CFAP47: variants seen among roughly 807,000 people sequenced by gnomAD.
CFAP47 encodes the protein cilia- and flagella-associated protein 47.
A neutral mutation model predicts 148.1 loss-of-function variants in CFAP47; 29 were observed. That is an observed-to-expected ratio of 0.20 (90% CI 0.15 to 0.27). The LOEUF is 0.27. Ranked by LOEUF, CFAP47 falls within the 10% of genes least tolerant of loss-of-function variation. The pLI, the probability that CFAP47 is intolerant of heterozygous loss-of-function variation, is 1.00. For missense variants in CFAP47, 1,872 were observed against 1,697.5 expected (o/e 1.10, Z -1.81); for synonymous variants, 664 against 577.3 (o/e 1.15, Z -2.15).
At chrX:35,965,648 A>C (rs766471955) in intron 8 of CFAP47, among the ~76,000 whole-genome samples, 1 of 112,013 alleles carries the variant, frequency 8.9e-6, no homozygotes, top group South Asian at 3.7e-4. Context: ...GCATATATGC[A>C]TACACAGAGT....
At chrX:36,089,081 T>G (rs924141528) in intron 30 of CFAP47, among the ~76,000 whole-genome samples, 1 of 112,201 alleles carries the variant, frequency 8.9e-6, no homozygotes, top group Non-Finnish European at 1.9e-5. Context: ...AAATTTTATA[T>G]CCTGGGCTGG....
rs73460178 is a variant in CFAP47, at chrX:36,355,033, A to T, written c.8851+1352A>T. Among the ~76,000 whole-genome samples the T allele has an allele frequency of 4.3e-3, 481 of 111,229 alleles. 1 individual carries two copies. The highest frequency in any genetic ancestry group is 0.015 in the African/African-American group (464 of 30,580). ...GCTCCTACAACTCAATTAAAAAAAA[A>T]CTAATAATCTGATTTTTTAAATAAG... On this transcript the variant is annotated intron_variant, in intron 60 of 63. Transcript: ENST00000378653.
chrX:35,924,283 GTACAT>G (rs1935676555), intron 1 of CFAP47, among the ~76,000 whole-genome samples: 1 of 104,894 alleles, frequency 9.5e-6, no homozygotes, highest in Non-Finnish European at 1.9e-5. Context: ...ATGTGTATAT[GTACAT>G]GTATGTGTAC....
chrX:36,194,616 A>G (rs782594422), intron 42 of CFAP47, among the ~76,000 whole-genome samples: 1 of 111,712 alleles, frequency 9.0e-6, no homozygotes, highest in Non-Finnish European at 1.9e-5. Context: ...GAAACTTACA[A>G]TTGTGGCAGA....
intron 1 of CFAP47, among the ~76,000 whole-genome samples, chrX:35,924,364 T>TATATGTGCATATATGCACAC (rs1196643169): frequency 2.8e-5 from 3 of 106,549 alleles, no homozygotes; most frequent in East Asian, 3.0e-4. Flanking sequence ...TGTATATATG[T>TATATGTGCATATATGCACAC]ATATGTGCAT....
At chrX:35,969,631 T>C (rs1156832058) in intron 10 of CFAP47, among the ~76,000 whole-genome samples, 1 of 111,813 alleles carries the variant, frequency 8.9e-6, no homozygotes, top group East Asian at 2.8e-4. Context: ...TCTTTCCTTA[T>C]CCTTCTCTCC....
chrX:36,182,005 A>T (rs767419858), intron 40 of CFAP47, among the ~76,000 whole-genome samples: 20 of 112,485 alleles, frequency 1.8e-4, no homozygotes, highest in Non-Finnish European at 2.6e-4. Flanking sequence ...AAAGAGAAGA[A>T]GTTACTATGG....
At chrX:36,020,431 G>A (rs1190320747) in intron 22 of CFAP47, among the ~76,000 whole-genome samples, 1 of 111,837 alleles carries the variant, frequency 8.9e-6, no homozygotes, top group Non-Finnish European at 1.9e-5. Flanking sequence ...TGAAAGTGGA[G>A]TGTTGAAGAC....
intron 13 of CFAP47, among the ~76,000 whole-genome samples, chrX:35,974,504 T>A (rs775271267): frequency 3.6e-5 from 4 of 110,952 alleles, no homozygotes; most frequent in African/African-American, 1.3e-4. Context: ...ATATAAAACA[T>A]GGAGAATGGT....
chrX:36,077,125 A>G (rs750367876), intron 29 of CFAP47, among the ~76,000 whole-genome samples: 16 of 90,417 alleles, frequency 1.8e-4, no homozygotes, highest in South Asian at 1.2e-3. Context: ...GTACCATCCA[A>G]TTTTGGTTCC....
At chrX:36,181,018 A>C (rs1347259805) in intron 40 of CFAP47, among the ~76,000 whole-genome samples, 3 of 112,064 alleles carry the variant, frequency 2.7e-5, no homozygotes, top group African/African-American at 9.7e-5. Flanking sequence ...ATTCTTCTTG[A>C]TTAAGTGGCT....
chrX:36,106,819 C>T (rs961527117), intron 33 of CFAP47, among the ~76,000 whole-genome samples: 1 of 111,302 alleles, frequency 9.0e-6, no homozygotes, highest in Admixed American at 9.6e-5. Context: ...TAGGGGTTAG[C>T]GGGGAAGGAG....
chrX:36,074,040 T>C (rs1475253419), intron 29 of CFAP47, among the ~76,000 whole-genome samples: 2 of 111,629 alleles, frequency 1.8e-5, no homozygotes, highest in Non-Finnish European at 3.8e-5. Context: ...ATTTATAGAA[T>C]TTCTGCTCTA....
chrX:36,129,304 AT>A (rs1040463126), intron 33 of CFAP47, among the ~76,000 whole-genome samples: 4 of 109,830 alleles, frequency 3.6e-5, no homozygotes, highest in African/African-American at 6.6e-5. Context: ...TTTATTTTCA[AT>A]TTTTTTCTTA....
chrX:36,269,159 C>G (rs1940929775), intron 49 of CFAP47, among the ~76,000 whole-genome samples: 1 of 111,782 alleles, frequency 8.9e-6, no homozygotes, highest in Non-Finnish European at 1.9e-5. Flanking sequence ...TACTAAAATT[C>G]CTTTTATAGC....
intron 32 of CFAP47, among the ~76,000 whole-genome samples, chrX:36,100,356 G>C (rs925869298): frequency 6.3e-5 from 7 of 111,821 alleles, no homozygotes; most frequent in Non-Finnish European, 9.4e-5. Flanking sequence ...TCTAATACAC[G>C]GTAGTCTCTT....
At chrX:36,138,149 G>A (rs1263057027) in intron 34 of CFAP47, 94 bp downstream of exon 34, 17 of 533,510 alleles carry the variant, frequency 3.2e-5, no homozygotes, top group African/African-American at 4.9e-5. Flanking sequence ...AGATTATTTC[G>A]AATGTCTTAC....
chrX:36,303,911 C>T lies in CFAP47; in HGVS notation c.8033C>T (p.Thr2678Ile). 1 of 1,141,871 alleles carries T rather than the reference C, an allele frequency of 8.8e-7. No individual in the cohort carries two copies. Among genetic ancestry groups the T allele is most frequent in the Non-Finnish European group, 1.2e-6 (1 of 854,401 alleles). 94.1% of individuals were successfully genotyped at this position (1,141,871 alleles called of 1,213,427 possible). The change falls in exon 54 of 64, where the codon ACA becomes ATA. Residue 2678 changes from threonine to isoleucine, a missense_variant. Thr to Ile is a moderately conservative substitution (Grantham distance 89). Transcript: ENST00000378653. ...CTHETLKLQV[T>I]NSNPENFVLD... ...CATGAAACCTTAAAATTGCAAGTAA[C>T]AAACAGTAATCCTGAAAATTTTGTC...
chrX:36,150,215 C>G (rs1939291924), intron 37 of CFAP47, among the ~76,000 whole-genome samples: 1 of 111,254 alleles, frequency 9.0e-6, no homozygotes, highest in African/African-American at 3.3e-5. Flanking sequence ...ACTACTATCC[C>G]ACTCACAAAA....
Sources: gnomAD v4.1 joint callset for allele counts (sites outside exome capture counted in the v4.1 genomes callset) on GRCh38, gnomAD v4.1.1 for gene constraint, MANE v1.5 for transcripts, NCBI Gene and HGNC (gene_info 2026-07-23, HGNC 2026-07-21) for gene names.